The following PIAS4 variants were observed in gnomAD, a reference collection of about 807,000 sequenced individuals.
PIAS4 encodes the protein protein inhibitor of activated STAT 4, also known as E3 SUMO-protein ligase PIAS4.
Under a neutral mutation model 58.0 loss-of-function variants are expected in PIAS4, and 7 were observed. The observed-to-expected ratio is 0.12, with a 90% CI of 0.07 to 0.23. The LOEUF is 0.23. Ranked by LOEUF, PIAS4 falls within the 10% of genes least tolerant of loss-of-function variation. The pLI is 1.00. For synonymous variants in PIAS4, 364 were observed against 312.4 expected, an observed-to-expected ratio of 1.17 and a Z score of -1.74; for missense variants, 550 against 709.5, an observed-to-expected ratio of 0.78 and a Z score of 2.55.
At chr19:4,010,659 G>A (rs746575403) in intron 1 of PIAS4, among the ~76,000 whole-genome samples, 8 of 152,218 alleles carry the variant, frequency 5.3e-5, no homozygotes, top group Admixed American at 1.3e-4. Context: ...AGGCCGAGGG[G>A]CCGATGCCAG....
At chr19:4,030,338 G>A (rs1190457971) in intron 7 of PIAS4, among the ~76,000 whole-genome samples, 3 of 142,942 alleles carry the variant, frequency 2.1e-5, no homozygotes, top group Non-Finnish European at 4.8e-5. Context: ...AAAGCCTGCC[G>A]GCAAGGCGCA....
At chr19:4,027,102 T>C (rs1599226326) in intron 3 of PIAS4, among the ~76,000 whole-genome samples, 1 of 152,150 alleles carries the variant, frequency 6.6e-6, no homozygotes, top group African/African-American at 2.4e-5. Flanking sequence ...TCCGCCCGCC[T>C]CGGCCTCCCA....
intron 7 of PIAS4, among the ~76,000 whole-genome samples, chr19:4,031,344 C>T (rs11673688): frequency 0.62 from 94,821 of 152,104 alleles, 33,536 homozygotes; most frequent in East Asian, 0.94. Flanking sequence ...CAGAGCAGGA[C>T]GTGGAGGGTG....
chr19:4,027,812 A>T (rs889140633), intron 3 of PIAS4, among the ~76,000 whole-genome samples: 2 of 151,862 alleles, frequency 1.3e-5, no homozygotes, highest in Non-Finnish European at 2.9e-5. Flanking sequence ...GACCTCCCAA[A>T]CTGGGTGTTT....
intron 3 of PIAS4, among the ~76,000 whole-genome samples, chr19:4,027,043 G>A (rs1297110600): frequency 1.3e-5 from 2 of 151,406 alleles, no homozygotes; most frequent in South Asian, 2.1e-4. Flanking sequence ...TAGTAGAGAC[G>A]GGGTTTCACC....
rs1001504573 is a variant in PIAS4 at position 4,033,494 on chromosome 19, C to T, written c.1056C>T (p.Phe352=). 1.9e-6 allele frequency: 3 copies of T among 1,594,718 alleles called. No homozygotes were observed. The highest frequency in any genetic ancestry group is 2.6e-6 in the Non-Finnish European group (3 of 1,171,810). Residue 352 remains phenylalanine, a synonymous_variant, in exon 9 of 11, where the codon TTC becomes TTT. Coordinates refer to ENST00000262971, the MANE Select transcript of PIAS4 (RefSeq NM_015897.4). The part of the protein sequence containing the change: ...CAHLQCFDAV[F]YLQMNEKKPT... ...ACCTGCAGTGCTTCGACGCCGTCTT[C>T]TACCTGCAGATGAACGAGAAGAAGC...
intron 1 of PIAS4, among the ~76,000 whole-genome samples, chr19:4,009,896 C>T (rs2039976781): frequency 6.6e-6 from 1 of 152,072 alleles, no homozygotes; most frequent in South Asian, 2.1e-4. Context: ...TCTGTGAGCT[C>T]CCTGAAATAG....
chr19:4,037,710 G>A lies in PIAS4; in HGVS notation c.1368G>A (p.Met456Ile), dbSNP rs2040315497. The A allele has an allele frequency of 6.2e-7, 1 of 1,611,878 alleles. No individual in the cohort carries two copies. The change falls in exon 11 of 11, where the codon ATG (methionine) becomes ATA (isoleucine). Residue 456 changes from methionine to isoleucine, a missense_variant. By Grantham distance (10) the Met-to-Ile change is conservative (BLOSUM62 1). Transcript: ENST00000262971. This position sits in a 1 kb window ranked among gnomAD's most constrained non-coding sequence, Gnocchi z 5.8. ...STGGGGPVGS[M>I]ENGKPGADVV... ...GTGGCGGCGGCCCGGTGGGCAGCAT[G>A]GAGAATGGGAAGCCGGGCGCCGATG...
At position 4,024,118 on chromosome 19, in the gene PIAS4, C is replaced by T. The variant is rs752864638; in HGVS notation, c.537C>T (p.Ser179=). 1.2e-6 allele frequency: 2 copies of T among 1,611,326 alleles called. No individual in the cohort carries two copies. Among genetic ancestry groups the T allele is most frequent in the Admixed American group, 1.7e-5 (1 of 60,018 alleles). Residue 179 remains serine, a splice_region_variant and synonymous_variant, in exon 3 of 11, where the codon TCC becomes TCT. Coordinates refer to ENST00000262971, the MANE Select transcript of PIAS4 (RefSeq NM_015897.4). ...GACAGGTGGAGTTGATCCGGAACTC[C>T]AGGTGTGCGGCACCTCCCCCAGCCC... ...TPRQVELIRN[S]RELQPGVKAV... is the part of the protein sequence containing the mutation.
At chr19:4,030,549 G>A (rs2040213593) in intron 7 of PIAS4, among the ~76,000 whole-genome samples, 1 of 151,836 alleles carries the variant, frequency 6.6e-6, no homozygotes, top group South Asian at 2.1e-4. Flanking sequence ...AACCCAGGAG[G>A]CAGAGCTTGC....
At chr19:4,009,335 G>A (rs1346018935) in intron 1 of PIAS4, among the ~76,000 whole-genome samples, 1 of 152,150 alleles carries the variant, frequency 6.6e-6, no homozygotes, top group Non-Finnish European at 1.5e-5. Context: ...TTTGAAAAGT[G>A]GAGACTCGCC....
chr19:4,016,793 A>G (rs937853978), intron 2 of PIAS4, among the ~76,000 whole-genome samples: 16 of 152,240 alleles, frequency 1.1e-4, no homozygotes, highest in African/African-American at 3.6e-4. Context: ...ATGGGGCTGA[A>G]TGGAGTTCAT....
At chr19:4,035,277 T>C (rs1322904337) in intron 9 of PIAS4, among the ~76,000 whole-genome samples, 1 of 152,006 alleles carries the variant, frequency 6.6e-6, no homozygotes, top group African/African-American at 2.4e-5. Flanking sequence ...GCTGTAGCCT[T>C]GACAGTAACA....
intron 2 of PIAS4, among the ~76,000 whole-genome samples, chr19:4,017,391 C>T (rs1047932690): frequency 7.9e-5 from 12 of 152,228 alleles, no homozygotes; most frequent in African/African-American, 2.7e-4. Flanking sequence ...CCATGGCAGC[C>T]TGTGAATGTT....
At chr19:4,023,227 C>G (rs1192326248) in intron 2 of PIAS4, among the ~76,000 whole-genome samples, 1 of 150,898 alleles carries the variant, frequency 6.6e-6, no homozygotes, top group African/African-American at 2.4e-5. Context: ...GCCTGTAATC[C>G]CAGCATTTTG....
In PIAS4 at chr19:4,037,693, G is replaced by A. The variant is rs761339485; in HGVS notation, c.1351G>A (p.Gly451Ser). 1.9e-5 allele frequency: 30 copies of A among 1,611,704 alleles called. No homozygotes were observed. The highest frequency in any genetic ancestry group is 3.3e-5 in the South Asian group (3 of 91,008). The part of the protein sequence containing the change: ...SGALGSTGGG[G>S]PVGSMENGKP... ...TGCCCTGGGCAGCACGGGTGGCGGC[G>A]GCCCGGTGGGCAGCATGGAGAATGG... Residue 451 changes from glycine to serine, a missense_variant, in exon 11 of 11, where the codon GGC (glycine) becomes AGC (serine). Transcript: ENST00000262971. The surrounding 1 kb of genome is among the most constrained non-coding windows in gnomAD (Gnocchi z 5.8).
intron 7 of PIAS4, among the ~76,000 whole-genome samples, chr19:4,031,582 G>A (rs1479073357): frequency 2.6e-5 from 4 of 152,194 alleles, no homozygotes; most frequent in South Asian, 4.1e-4. Context: ...CAACTTGAGG[G>A]AGGAGGCTGG....
rs140572934 is a variant in PIAS4 at position 4,022,227 on chromosome 19, C to G, written c.455-1809C>G. ...GCATAAAGTTTCACCTTTTATTCCC[C>G]TATTGAACCGAAAAGCTGTAGGGTC... On this transcript the variant is annotated intron_variant, in intron 2 of 10. Transcript: ENST00000262971. Among the ~76,000 whole-genome samples the G allele has an allele frequency of 1.3e-4, 20 of 152,310 alleles. No individual in the cohort carries two copies. The East Asian group carries it at 3.7e-3, about 28-fold the overall frequency.
At chr19:4,027,042 C>T (rs936923995) in intron 3 of PIAS4, among the ~76,000 whole-genome samples, 3 of 151,316 alleles carry the variant, frequency 2.0e-5, no homozygotes, top group Admixed American at 1.3e-4. Context: ...TTAGTAGAGA[C>T]GGGGTTTCAC....
Sources: allele counts gnomAD v4.1 joint callset (sites outside exome capture counted in the v4.1 genomes callset), GRCh38; gene constraint gnomAD v4.1.1; non-coding constraint Gnocchi (gnomAD v3.1); transcripts MANE v1.5; gene names NCBI Gene and HGNC (gene_info 2026-07-23, HGNC 2026-07-21).